Variants in UNC13C observed in about 807,000 individuals in gnomAD.
The protein encoded by UNC13C is unc-13 homolog C, also known as protein unc-13 homolog C.
In UNC13C, 174 loss-of-function variants were observed where a neutral mutation model predicts 245.4. That is an observed-to-expected ratio of 0.71 (90% confidence interval 0.63 to 0.80). UNC13C has a LOEUF of 0.80. Ranked by LOEUF, UNC13C falls within the 30% of genes least tolerant of loss-of-function variation. The pLI, the probability that UNC13C is intolerant of heterozygous loss-of-function variation, is 0.00. For missense variants in UNC13C, 2,829 were observed against 2,602.9 expected, an observed-to-expected ratio of 1.09 and a Z score of -1.89; for synonymous variants, 992 against 895.1, an observed-to-expected ratio of 1.11 and a Z score of -1.93.
chr15:53,921,208 T>A, the UNC13C span, among the ~76,000 whole-genome samples: 141,695 of 152,106 alleles, frequency 0.93, 66,247 homozygotes, highest in Middle Eastern at 0.98. Flanking sequence ...TCTAAATGTG[T>A]ATGGGAGAAT....
At chr15:54,301,894 C>T (rs1445589661) in intron 13 of UNC13C, among the ~76,000 whole-genome samples, 1 of 152,168 alleles carries the variant, frequency 6.6e-6, no homozygotes, top group Non-Finnish European at 1.5e-5. Flanking sequence ...AACTAATTTA[C>T]ACTCTCATCA....
At chr15:54,062,212 G>A (rs571297392) in intron 2 of UNC13C, among the ~76,000 whole-genome samples, 19 of 151,940 alleles carry the variant, frequency 1.3e-4, no homozygotes, top group African/African-American at 4.6e-4. Context: ...CCAGCTACTC[G>A]GGAGGCTAAG....
At chr15:53,969,231 A>G in the UNC13C span, among the ~76,000 whole-genome samples, 2 of 152,160 alleles carry the variant, frequency 1.3e-5, no homozygotes, top group Admixed American at 1.3e-4. Context: ...AAAAGAGACA[A>G]GAGTAGGGAG....
intron 19 of UNC13C, chr15:54,416,864 T>A (rs748095963): frequency 2.2e-6 from 1 of 455,746 alleles, no homozygotes; most frequent in East Asian, 7.0e-5. Flanking sequence ...TATCATTGAT[T>A]CCTTTATTGT....
At chr15:54,595,907 C>T (rs138943967) in intron 30 of UNC13C, among the ~76,000 whole-genome samples, 48 of 152,224 alleles carry the variant, frequency 3.2e-4, no homozygotes, top group Middle Eastern at 3.4e-3. Context: ...ATACTAGTTA[C>T]TCAATCTCTT....
At chr15:54,296,213 A>G (rs2037425842) in intron 11 of UNC13C, among the ~76,000 whole-genome samples, 1 of 151,270 alleles carries the variant, frequency 6.6e-6, no homozygotes, top group Non-Finnish European at 1.5e-5. Context: ...TTATTTATTT[A>G]TTTTTGAGAC....
chr15:54,303,469 T>G (rs1401071880), intron 13 of UNC13C, among the ~76,000 whole-genome samples: 1 of 152,166 alleles, frequency 6.6e-6, no homozygotes, highest in African/African-American at 2.4e-5. Context: ...TTTCCATCTT[T>G]TCTGTGTTCT....
the UNC13C span, among the ~76,000 whole-genome samples, chr15:53,868,360 T>A: frequency 6.6e-6 from 1 of 152,214 alleles, no homozygotes; most frequent in Non-Finnish European, 1.5e-5. Context: ...AGTCTATGGT[T>A]CTTTATAACA....
the UNC13C span, among the ~76,000 whole-genome samples, chr15:53,970,250 G>C: frequency 2.8e-3 from 432 of 152,088 alleles, 4 homozygotes; most frequent in Non-Finnish European, 3.7e-3. Flanking sequence ...TTTGTATTTA[G>C]TAGAGACAGG....
rs747834913 is a variant in UNC13C at position 54,015,374 on chromosome 15, A to G, written c.2471A>G (p.Asp824Gly). The G allele has an allele frequency of 3.7e-6, 6 of 1,613,826 alleles. No individual in the cohort carries two copies. Among genetic ancestry groups the G allele is most frequent in the Non-Finnish European group, 4.2e-6 (5 of 1,179,838 alleles). ...KSTQSLSGYE[D>G]SGSSLMGRFR... ...ACACAGAGTCTGAGTGGGTATGAGG[A>G]CAGTGGCTCTTCATTAATGGGGAGA... is the stretch of plus-strand genomic sequence containing the variant. The change falls in exon 2 of 33, where the codon GAC becomes GGC. Residue 824 changes from aspartate (D) to glycine (G), a missense_variant. Coordinates refer to ENST00000260323, the MANE Select transcript of UNC13C (RefSeq NM_001080534.3).
intron 4 of UNC13C, among the ~76,000 whole-genome samples, chr15:54,191,900 AT>A (rs982911610): frequency 2.0e-5 from 3 of 151,352 alleles, no homozygotes; most frequent in East Asian, 1.9e-4. Flanking sequence ...TGTTGGGGTT[AT>A]TTTTTTCTTG....
the UNC13C span, among the ~76,000 whole-genome samples, chr15:53,843,180 T>TTA: frequency 6.6e-6 from 1 of 152,186 alleles, no homozygotes; most frequent in Admixed American, 6.5e-5. Flanking sequence ...GGCTTAGGCC[T>TTA]GTGATCCCAA....
chr15:54,519,772 C>G (rs543771370), intron 24 of UNC13C, among the ~76,000 whole-genome samples: 1 of 152,258 alleles, frequency 6.6e-6, no homozygotes, highest in African/African-American at 2.4e-5. Context: ...TCTTTTACTT[C>G]TGACAACAAA....
At position 54,034,376 on chromosome 15, in the gene UNC13C, C is replaced by T. The variant is rs1292797710; in HGVS notation, c.2983+18490C>T. 2.6e-5 allele frequency among the ~76,000 whole-genome samples: 4 copies of T among 151,800 alleles called. No individual in the cohort carries two copies. The South Asian group carries it at 8.3e-4, about 31-fold the overall frequency. On this transcript the variant is annotated intron_variant, in intron 2 of 32. Coordinates refer to ENST00000260323, the MANE Select transcript of UNC13C (RefSeq NM_001080534.3). The stretch of plus-strand genomic sequence containing the variant: ...GTACAAAGTCTGTCTCTCTCTGGGG[C>T]CTTACCATCTCTTTTTGTTCCCTTA...
rs190542291 is a variant in UNC13C, at chr15:54,549,215, T to G, written c.5821-420T>G. Among the ~76,000 whole-genome samples, 37 of 152,306 alleles carry G rather than the reference T, an allele frequency of 2.4e-4. 1 individual carries two copies. The highest frequency in any genetic ancestry group is 8.9e-4 in the African/African-American group (37 of 41,568). On this transcript the variant is annotated intron_variant, in intron 27 of 32. Transcript: ENST00000260323. ...GTTAAGAGGGTAGTCGCTAATAGAC[T>G]GGACAGCATTTTAGAAGGAGCAATT...
chr15:54,401,954 A>G (rs901463172), intron 18 of UNC13C, among the ~76,000 whole-genome samples: 8 of 152,010 alleles, frequency 5.3e-5, no homozygotes, highest in African/African-American at 1.7e-4. Context: ...ATTTGTAGTT[A>G]CTTGAGCCTC....
At chr15:54,025,504 CCTAT>C (rs1231266013) in intron 2 of UNC13C, among the ~76,000 whole-genome samples, 1 of 152,140 alleles carries the variant, frequency 6.6e-6, no homozygotes, top group African/African-American at 2.4e-5. Context: ...AATACTGTAA[CCTAT>C]CTAAGAGGAG....
intron 2 of UNC13C, among the ~76,000 whole-genome samples, chr15:54,116,394 T>C (rs1171607876): frequency 3.3e-5 from 5 of 152,162 alleles, no homozygotes; most frequent in Non-Finnish European, 7.4e-5. Context: ...AACTCTATAT[T>C]TGTGCCCACT....
chr15:54,382,797 TAACTA>T (rs1311986405), intron 17 of UNC13C, among the ~76,000 whole-genome samples: 1 of 151,886 alleles, frequency 6.6e-6, no homozygotes, highest in Non-Finnish European at 1.5e-5. Flanking sequence ...GATAAACTGA[TAACTA>T]GACTACCCAA....
Sources: allele counts gnomAD v4.1 joint callset (sites outside exome capture counted in the v4.1 genomes callset), GRCh38; gene constraint gnomAD v4.1.1; transcripts MANE v1.5; gene names NCBI Gene and HGNC (gene_info 2026-07-23, HGNC 2026-07-21).